Variants in SCML2 observed in about 807,000 individuals in gnomAD.
SCML2 encodes the protein sex comb on midleg-like protein 2.
Under a neutral mutation model 48.4 loss-of-function variants are expected in SCML2, and 6 were observed. The ratio of observed to expected loss-of-function variants is 0.12; its 90% CI spans 0.07 to 0.24. SCML2 has a LOEUF of 0.24. Among genes scored for constraint, SCML2 ranks in the 10% least tolerant of loss-of-function variants. The pLI is 1.00. For missense variants in SCML2, 377 were observed against 528.2 expected (o/e 0.71, Z 2.81); for synonymous variants, 181 against 189.5 (o/e 0.95, Z 0.37).
At chrX:18,268,743 T>C (rs1250105089) in intron 7 of SCML2, among the ~76,000 whole-genome samples, 2 of 108,702 alleles carry the variant, frequency 1.8e-5, no homozygotes, top group East Asian at 5.8e-4. Context: ...ACTGTGCACA[T>C]GTACCCTAAA....
chrX:18,280,422 T>C (rs1007895336), intron 7 of SCML2, among the ~76,000 whole-genome samples: 5 of 111,941 alleles, frequency 4.5e-5, no homozygotes, highest in Non-Finnish European at 9.4e-5. Context: ...TTTAAGCACA[T>C]AGCCCACAGG....
intron 7 of SCML2, among the ~76,000 whole-genome samples, chrX:18,294,889 C>G (rs1928343529): frequency 9.0e-6 from 1 of 111,298 alleles, no homozygotes; most frequent in African/African-American, 3.3e-5. Context: ...CTTAATCCCT[C>G]CACAGTAGCA....
intron 11 of SCML2, among the ~76,000 whole-genome samples, chrX:18,255,639 A>G (rs1358608642): frequency 8.9e-6 from 1 of 112,362 alleles, no homozygotes; most frequent in East Asian, 2.8e-4. Context: ...TAACAAGGAA[A>G]TGGAAAAAAG....
chrX:18,304,180 C>T (rs756280984), intron 7 of SCML2, among the ~76,000 whole-genome samples: 1 of 111,447 alleles, frequency 9.0e-6, no homozygotes, highest in African/African-American at 3.3e-5. Flanking sequence ...GCTAGGATTC[C>T]AGGCACACGC....
At chrX:18,310,732 C>A (rs964865967) in intron 6 of SCML2, among the ~76,000 whole-genome samples, 5 of 111,002 alleles carry the variant, frequency 4.5e-5, no homozygotes, top group Non-Finnish European at 7.5e-5. Context: ...ACTACAGGAA[C>A]GTGCCACCAC....
intron 1 of SCML2, among the ~76,000 whole-genome samples, chrX:18,335,367 G>A (rs1030681336): frequency 9.9e-5 from 11 of 110,703 alleles, no homozygotes; most frequent in African/African-American, 3.6e-4. Flanking sequence ...AGCCAGGTGT[G>A]GTGGTACATG....
At chrX:18,247,266 A>G (rs764652731) in intron 12 of SCML2, among the ~76,000 whole-genome samples, 2 of 111,484 alleles carry the variant, frequency 1.8e-5, no homozygotes, top group South Asian at 3.8e-4. Flanking sequence ...CTTGGCATTT[A>G]TATTAATGGA....
intron 1 of SCML2, among the ~76,000 whole-genome samples, chrX:18,352,123 G>C (rs1930396352): frequency 8.9e-6 from 1 of 111,798 alleles, no homozygotes; most frequent in Non-Finnish European, 1.9e-5. Context: ...AGTCACATCT[G>C]GCTTATAGCT....
chrX:18,281,504 G>A (rs769709205), intron 7 of SCML2, among the ~76,000 whole-genome samples: 1 of 111,128 alleles, frequency 9.0e-6, no homozygotes, highest in South Asian at 3.8e-4. Flanking sequence ...CTGAGGTCAG[G>A]AGGTCGAGAC....
At chrX:18,308,017 C>G (rs1928811401) in intron 6 of SCML2, among the ~76,000 whole-genome samples, 1 of 107,941 alleles carries the variant, frequency 9.3e-6, no homozygotes, top group Non-Finnish European at 1.9e-5. Flanking sequence ...TCGCTTGAAT[C>G]CAGGAGGCGG....
chrX:18,281,354 G>A (rs1421035178), intron 7 of SCML2, among the ~76,000 whole-genome samples: 1 of 98,757 alleles, frequency 1.0e-5, no homozygotes, highest in Non-Finnish European at 2.1e-5. Flanking sequence ...CTAAAACAGT[G>A]TTAAAAGGAA....
chrX:18,298,957 T>C, intron 7 of SCML2, among the ~76,000 whole-genome samples: 1 of 109,365 alleles, frequency 9.1e-6, no homozygotes, highest in Non-Finnish European at 1.9e-5. Flanking sequence ...GAAGGAAACA[T>C]AGGAGAAACA....
At chrX:18,304,201 G>A (rs996797666) in intron 7 of SCML2, among the ~76,000 whole-genome samples, 6 of 111,000 alleles carry the variant, frequency 5.4e-5, no homozygotes, top group Admixed American at 9.6e-5. Flanking sequence ...CACCGCGCCC[G>A]GCTAATTGAA....
chrX:18,352,168 C>T (rs1359310726), intron 1 of SCML2, among the ~76,000 whole-genome samples: 2 of 111,893 alleles, frequency 1.8e-5, no homozygotes, highest in African/African-American at 6.5e-5. Flanking sequence ...TTTCTGAGCT[C>T]AGAGATTTCT....
Position 18,330,619 on chromosome X carries a change from G to C in SCML2, c.59C>G (p.Thr20Ser), listed in dbSNP as rs140760052. Residue 20 changes from threonine (T) to serine (S), a missense_variant, in exon 3 of 15, where the codon ACT becomes AGT. Thr to Ser is a moderately conservative substitution (Grantham distance 58). This residue lies in a region of SCML2 where 61 missense variants were observed against 59.9 expected (regional missense o/e 1.02). Transcript: ENST00000251900. ...TACAGAAGATGTACTTGACTGAGGA[G>C]TTTTCTCTTGATTCTCCTTCTTGAC... is the stretch of plus-strand genomic sequence containing the variant. ...MDVKKENQEKTPQSSTSSVQR... is the reference protein window; with the variant it reads ...MDVKKENQEKSPQSSTSSVQR... The C allele has an allele frequency of 8.5e-7, 1 of 1,175,825 alleles. No homozygotes were observed. Among genetic ancestry groups the C allele is most frequent in the African/African-American group, 1.8e-5 (1 of 56,629 alleles).
chrX:18,252,269 G>A (rs911674176), intron 11 of SCML2, among the ~76,000 whole-genome samples: 1 of 112,477 alleles, frequency 8.9e-6, no homozygotes, highest in Non-Finnish European at 1.9e-5. Context: ...GCGAGACTCC[G>A]TCTCAAAAAA....
At position 18,305,057 on chromosome X, in the gene SCML2, G is replaced by A; in HGVS notation, c.645C>T (p.Tyr215=). 8.3e-7 allele frequency: 1 copy of A among 1,210,900 alleles called. No individual in the cohort carries two copies. The highest frequency in any genetic ancestry group is 2.3e-4 in the Middle Eastern group (1 of 4,351). ...TATCTCGAGAATCATACTTGCACCA[G>A]TAATCAAAAGCTCCACTCCAGCCAT... The part of the protein sequence containing the change: ...TFDGWSGAFD[Y]WCKYDSRDIF... Residue 215 remains tyrosine (Y), a synonymous_variant, in exon 7 of 15, where the codon TAC becomes TAT. Transcript: ENST00000251900.
At chrX:18,326,679 CA>C (rs368286831) in intron 3 of SCML2, among the ~76,000 whole-genome samples, 17,363 of 57,641 alleles carry the variant, frequency 0.3, 1,616 homozygotes, top group Middle Eastern at 0.43. Context: ...GACTCCATCT[CA>C]AAAAAAAAAA....
intron 8 of SCML2, among the ~76,000 whole-genome samples, chrX:18,260,710 T>G (rs1239430787): frequency 9.1e-6 from 1 of 109,696 alleles, no homozygotes; most frequent in Non-Finnish European, 1.9e-5. Flanking sequence ...GAGGACAGAG[T>G]TTATTTTCAG....
Sources: gnomAD v4.1 joint callset for allele counts (sites outside exome capture counted in the v4.1 genomes callset) on GRCh38, gnomAD v4.1.1 for gene constraint, gnomAD v4.1.1 regional missense constraint, MANE v1.5 for transcripts, NCBI Gene and HGNC (gene_info 2026-07-23, HGNC 2026-07-21) for gene names.